CNOT6L: variants seen among roughly 807,000 people sequenced by gnomAD.
CNOT6L encodes CCR4-NOT transcription complex subunit 6 like.
CNOT6L carries 7 observed loss-of-function variants against 64.0 expected under a neutral mutation model. That is an observed-to-expected ratio of 0.11 (90% confidence interval 0.06 to 0.21). The LOEUF is 0.21. Among genes scored for constraint, CNOT6L ranks in the 10% least tolerant of loss-of-function variants. The pLI is 1.00. For synonymous variants in CNOT6L, 193 were observed against 243.4 expected, an observed-to-expected ratio of 0.79 and a Z score of 1.93; for missense variants, 245 against 669.0, an observed-to-expected ratio of 0.37 and a Z score of 6.99.
Position 77,818,870 on chromosome 4 carries a change from G to A in CNOT6L, c.5+434C>T, listed in dbSNP as rs545450002. On this transcript the variant is annotated intron_variant, in intron 1 of 11. Transcript: ENST00000504123. The stretch of plus-strand genomic sequence containing the variant: ...CGCGGCCGGGGAACGGCGGCCCCGG[G>A]ATCAGCGGCGCGGCACCGACCAGCA... 63 of 296,930 alleles carry A rather than the reference G, an allele frequency of 2.1e-4. 1 individual carries two copies. Among genetic ancestry groups the A allele is most frequent in the African/African-American group, 1.0e-3 (46 of 43,928 alleles). The allele number at this position is 296,930 out of a possible 1,614,324, so 18.4% of individuals were successfully genotyped here. A position where few individuals can be genotyped will look rare whatever the true frequency, so the allele number is the denominator to read the frequency against.
intron 1 of CNOT6L, among the ~76,000 whole-genome samples, chr4:77,794,571 T>C (rs1014071599): frequency 6.6e-6 from 1 of 152,172 alleles, no homozygotes; most frequent in Non-Finnish European, 1.5e-5. Flanking sequence ...AAAAATCCAA[T>C]GGCCATTCCT....
intron 10 of CNOT6L, among the ~76,000 whole-genome samples, chr4:77,727,128 A>G (rs1029319352): frequency 2.6e-5 from 4 of 152,200 alleles, no homozygotes; most frequent in South Asian, 4.1e-4. Context: ...GATAAGCACA[A>G]TATCAGTATT....
chr4:77,795,782 C>A (rs1730766570), intron 1 of CNOT6L, among the ~76,000 whole-genome samples: 1 of 152,060 alleles, frequency 6.6e-6, no homozygotes, highest in African/African-American at 2.4e-5. Context: ...TGAGACTGGA[C>A]TAATACACCA....
intron 7 of CNOT6L, among the ~76,000 whole-genome samples, chr4:77,744,404 G>T (rs1240762348): frequency 1.3e-5 from 2 of 151,858 alleles, no homozygotes; most frequent in Non-Finnish European, 2.9e-5. Context: ...TAAAAGACTG[G>T]CAATCTTCTG....
At chr4:77,735,679 G>A (rs1722871019) in intron 8 of CNOT6L, among the ~76,000 whole-genome samples, 1 of 152,126 alleles carries the variant, frequency 6.6e-6, no homozygotes, top group Non-Finnish European at 1.5e-5. Context: ...CTTCTCAATA[G>A]AAATCATGAA....
intron 7 of CNOT6L, among the ~76,000 whole-genome samples, chr4:77,744,354 A>T (rs558811796): frequency 1.1e-3 from 161 of 140,656 alleles, no homozygotes; most frequent in Admixed American, 1.8e-3. Flanking sequence ...TTTTTTTTTT[A>T]AAAAAAAACA....
intron 2 of CNOT6L, 133 bp downstream of exon 2, chr4:77,776,138 A>G: frequency 1.2e-6 from 1 of 831,478 alleles, no homozygotes; most frequent in Non-Finnish European, 1.9e-6. Flanking sequence ...AACAGAAAAC[A>G]CTAGTATCTT....
At chr4:77,802,026 A>G (rs1731640173) in intron 1 of CNOT6L, among the ~76,000 whole-genome samples, 1 of 152,224 alleles carries the variant, frequency 6.6e-6, no homozygotes, top group African/African-American at 2.4e-5. Flanking sequence ...CCCCAAAAGA[A>G]ATATAACAGT....
At chr4:77,754,888 T>A (rs376886931) in intron 5 of CNOT6L, among the ~76,000 whole-genome samples, 113 of 36,926 alleles carry the variant, frequency 3.1e-3, no homozygotes, top group East Asian at 4.5e-3. Context: ...ACATTAGAAG[T>A]AAAAAAAAAA....
At chr4:77,806,285 C>T (rs545243558) in intron 1 of CNOT6L, among the ~76,000 whole-genome samples, 2 of 152,140 alleles carry the variant, frequency 1.3e-5, no homozygotes, top group Admixed American at 6.5e-5. Context: ...ATTAGCCGGG[C>T]GTGGTGGCGC....
chr4:77,819,394 A>C, upstream of CNOT6L: 1 of 1,600,610 alleles, frequency 6.2e-7, no homozygotes, highest in Non-Finnish European at 8.5e-7. Context: ...CGCGCGCACC[A>C]GGCCCCCACA....
At chr4:77,757,391 G>A (rs966276909) in intron 4 of CNOT6L, among the ~76,000 whole-genome samples, 3 of 152,068 alleles carry the variant, frequency 2.0e-5, no homozygotes, top group Non-Finnish European at 2.9e-5. Flanking sequence ...GAAAACAAAC[G>A]TATTTCAAGT....
intron 4 of CNOT6L, among the ~76,000 whole-genome samples, chr4:77,760,486 G>A (rs1282315312): frequency 6.6e-6 from 1 of 151,692 alleles, no homozygotes; most frequent in Non-Finnish European, 1.5e-5. Flanking sequence ...AGCTTTAAAT[G>A]CTGATATTAG....
chr4:77,795,021 CTT>C (rs35837302), intron 1 of CNOT6L, among the ~76,000 whole-genome samples: 10 of 131,954 alleles, frequency 7.6e-5, no homozygotes, highest in African/African-American at 8.5e-5. Context: ...AGAAATTTTT[CTT>C]TTTTTTTTTT....
chr4:77,726,372 G>A lies in CNOT6L; in HGVS notation c.1253-3C>T, dbSNP rs1326836345. On this transcript the variant is annotated splice_region_variant and splice_polypyrimidine_tract_variant and intron_variant, in intron 10 of 11. Coordinates refer to ENST00000504123, the MANE Select transcript of CNOT6L (RefSeq NM_144571.3). ...ATTGCTTAAGTATTCCACAACACCT[G>A]GTAGAATAAAGAAGAGACACTTCCA... is the stretch of plus-strand genomic sequence containing the variant. 2.5e-6 allele frequency: 4 copies of A among 1,604,428 alleles called. No homozygotes were observed. Among genetic ancestry groups the A allele is most frequent in the Admixed American group, 3.4e-5 (2 of 59,420 alleles).
At chr4:77,803,303 A>G (rs890187113) in intron 1 of CNOT6L, among the ~76,000 whole-genome samples, 4 of 152,196 alleles carry the variant, frequency 2.6e-5, no homozygotes, top group Non-Finnish European at 5.9e-5. Context: ...AATGACAAAA[A>G]TTAATTATGT....
intron 1 of CNOT6L, among the ~76,000 whole-genome samples, chr4:77,802,115 A>G (rs191629492): frequency 6.2e-4 from 95 of 152,340 alleles, no homozygotes; most frequent in African/African-American, 2.1e-3. Flanking sequence ...GAAGATTCCA[A>G]TGGAGCAGTA....
At chr4:77,767,981 A>C (rs867130055) in intron 4 of CNOT6L, among the ~76,000 whole-genome samples, 126 of 72,900 alleles carry the variant, frequency 1.7e-3, no homozygotes, top group Middle Eastern at 0.014. Flanking sequence ...CTTTGTCCCC[A>C]AAAAAAAAAA....
chr4:77,762,398 G>A (rs547852214), intron 4 of CNOT6L, among the ~76,000 whole-genome samples: 1 of 152,102 alleles, frequency 6.6e-6, no homozygotes, highest in Admixed American at 6.5e-5. Flanking sequence ...AGTGTGTTTA[G>A]CAGTAGATCC....
Sources: allele counts gnomAD v4.1 joint callset (sites outside exome capture counted in the v4.1 genomes callset), GRCh38; gene constraint gnomAD v4.1.1; transcripts MANE v1.5; gene names NCBI Gene and HGNC (gene_info 2026-07-23, HGNC 2026-07-21).